The following BRD1 variants were observed in gnomAD, a reference collection of about 807,000 sequenced individuals.
The protein encoded by BRD1 is bromodomain-containing protein 1.
Under a neutral mutation model 107.7 loss-of-function variants are expected in BRD1, and 24 were observed. That is an observed-to-expected ratio of 0.22 (90% CI 0.16 to 0.31). The LOEUF (loss-of-function observed/expected upper bound fraction) is 0.31. BRD1 is among the 10% of genes least tolerant of loss of function. BRD1 has a pLI of 1.00. For missense variants in BRD1, 1,279 were observed against 1,638.6 expected (o/e 0.78, Z 3.79); for synonymous variants, 744 against 686.1 (o/e 1.08, Z -1.32).
At chr22:49,807,276 C>T (rs2059764355) in intron 2 of BRD1, 1 of 152,152 alleles carries the variant, frequency 6.6e-6, no homozygotes, top group South Asian at 2.1e-4. Context: ...TAGGAAAATC[C>T]ACCCTAAAAT....
chr22:49,824,225 C>T lies in BRD1; in HGVS notation c.93G>A (p.Leu31=). Residue 31 remains leucine, a synonymous_variant, in exon 2 of 13, where the codon CTG becomes CTA. Coordinates refer to ENST00000404760, the MANE Select transcript of BRD1 (RefSeq NM_001304808.3). This position sits in a 1 kb window ranked among gnomAD's most constrained non-coding sequence, Gnocchi z 5.9. The stretch of plus-strand genomic sequence containing the variant: ...CCATCCTTTGAGCTTGAGCGTAGGT[C>T]AGCGTTTCTCGCGTAGGGGAGTGTT... ...SVKHSPTRET[L]TYAQAQRMVE... 6.2e-7 allele frequency: 1 copy of T among 1,613,976 alleles called. No homozygotes were observed. Among genetic ancestry groups the T allele is most frequent in the Non-Finnish European group, 8.5e-7 (1 of 1,180,020 alleles).
chr22:49,798,288 G>A (rs541617572), intron 5 of BRD1, among the ~76,000 whole-genome samples, 171 bp from the exon 6 acceptor site: 1 of 152,294 alleles, frequency 6.6e-6, no homozygotes, highest in South Asian at 2.1e-4. Flanking sequence ...CCCGACCCCA[G>A]CTCCTTCAGC....
At chr22:49,801,654 C>T (rs2059643413) in intron 3 of BRD1, among the ~76,000 whole-genome samples, 1 of 152,224 alleles carries the variant, frequency 6.6e-6, no homozygotes, top group Non-Finnish European at 1.5e-5. Flanking sequence ...CGAGAAGCTG[C>T]CCCCTCTGCC....
intron 2 of BRD1, chr22:49,818,431 A>G: frequency 9.6e-7 from 1 of 1,044,604 alleles, no homozygotes; most frequent in Non-Finnish European, 1.2e-6. Flanking sequence ...CCCTCATTTC[A>G]TGCAATAACC....
At chr22:49,799,232 C>T in intron 3 of BRD1, 113 bp from the exon 4 acceptor site, 2 of 1,426,590 alleles carry the variant, frequency 1.4e-6, no homozygotes, top group Non-Finnish European at 1.9e-6. Context: ...GTCCTGCAGG[C>T]CCATCCTGGG....
intron 2 of BRD1, among the ~76,000 whole-genome samples, chr22:49,804,601 C>T (rs1008436897): frequency 6.6e-6 from 1 of 152,216 alleles, no homozygotes; most frequent in African/African-American, 2.4e-5. Context: ...GTAATCCCAG[C>T]ACTTTGGGAG....
At chr22:49,776,368 A>G (rs939327013) in intron 10 of BRD1, among the ~76,000 whole-genome samples, 5 of 152,018 alleles carry the variant, frequency 3.3e-5, no homozygotes, top group African/African-American at 4.8e-5. Flanking sequence ...TGGGGCCACC[A>G]GCCTCCCACG....
chr22:49,822,736 G>A (rs1021045594), intron 2 of BRD1, among the ~76,000 whole-genome samples: 29 of 152,016 alleles, frequency 1.9e-4, no homozygotes, highest in Middle Eastern at 3.4e-3. Flanking sequence ...GAAAACTACA[G>A]ATTATTCCAA....
At chr22:49,776,930 A>G (rs2059111611) in intron 10 of BRD1, 104 bp downstream of exon 10, 1 of 1,515,132 alleles carries the variant, frequency 6.6e-7, no homozygotes, top group African/African-American at 1.4e-5. Context: ...GGCTCCACAC[A>G]GGGCACCATG....
chr22:49,781,960 C>T lies in BRD1; in HGVS notation c.2858-4147G>A, dbSNP rs560404682. Among the ~76,000 whole-genome samples the T allele has an allele frequency of 8.3e-4, 125 of 151,020 alleles. 2 individuals are homozygous for T. Among genetic ancestry groups the T allele is most frequent in the African/African-American group, 2.8e-3 (116 of 40,952 alleles). On this transcript the variant is annotated intron_variant, in intron 8 of 12. Transcript: ENST00000404760. ...TGGGACCTGCTCCGTGACAATGCAG[C>T]CGGGACGGTCCGAGACAGACCCAAG...
chr22:49,779,309 G>A (rs559205509), intron 8 of BRD1, among the ~76,000 whole-genome samples: 1 of 152,132 alleles, frequency 6.6e-6, no homozygotes, highest in Non-Finnish European at 1.5e-5. Context: ...CAATACAGGG[G>A]CTGAATCAGC....
At chr22:49,804,730 A>G (rs2059707400) in intron 2 of BRD1, among the ~76,000 whole-genome samples, 1 of 152,190 alleles carries the variant, frequency 6.6e-6, no homozygotes, top group Admixed American at 6.5e-5. Context: ...ACATGCGTGT[A>G]GTCCCGGCTA....
chr22:49,822,911 C>T, intron 2 of BRD1, 40 bp downstream of exon 2: 1 of 1,602,280 alleles, frequency 6.2e-7, no homozygotes, highest in South Asian at 1.1e-5. Flanking sequence ...GGGTCCCACA[C>T]TGCAGGCTCC....
chr22:49,798,653 G>A lies in BRD1; in HGVS notation c.1690C>T (p.Leu564=). The A allele has an allele frequency of 6.2e-7, 1 of 1,612,538 alleles. No individual in the cohort carries two copies. The highest frequency in any genetic ancestry group is 8.5e-7 in the Non-Finnish European group (1 of 1,179,416). ...CGCAGCAGCACCGTCAGCGGGGTCA[G>A]CCGCAGCTCCATGGCGACCTGCTCC... ...KVEQVAMELR[L]TPLTVLLRSV... The change falls in exon 5 of 13, where the codon CTG becomes TTG. Residue 564 remains leucine, a synonymous_variant. Coordinates refer to ENST00000404760, the MANE Select transcript of BRD1 (RefSeq NM_001304808.3).
chr22:49,800,405 T>C (rs1012174926), intron 3 of BRD1, among the ~76,000 whole-genome samples: 2 of 151,932 alleles, frequency 1.3e-5, no homozygotes, highest in Non-Finnish European at 2.9e-5. Context: ...AAGATCCACA[T>C]CAACTCAAGC....
intron 8 of BRD1, 110 bp downstream of exon 8, chr22:49,787,280 G>T: frequency 7.6e-7 from 1 of 1,317,682 alleles, no homozygotes; most frequent in Non-Finnish European, 1.0e-6. Context: ...AGAGAATGCT[G>T]CAAAAACAGA....
chr22:49,824,453 A>C lies in BRD1; in HGVS notation c.-14-122T>G, dbSNP rs903050511. ...TCAAAGCCCAATCAAAGCAAAACTC[A>C]CAGCTAACCTCTTTCCAAGGTGTCC... On this transcript the variant is annotated intron_variant, in intron 1 of 12. Transcript: ENST00000404760. This position sits in a 1 kb window ranked among gnomAD's most constrained non-coding sequence, Gnocchi z 5.9. 2.1e-6 allele frequency: 3 copies of C among 1,463,232 alleles called. No homozygotes were observed. The highest frequency in any genetic ancestry group is 9.0e-7 in the Non-Finnish European group (1 of 1,114,884). 90.6% of individuals were successfully genotyped at this position (1,463,232 alleles called of 1,614,324 possible).
Position 49,818,359 on chromosome 22 carries a change from C to G in BRD1, c.1367+4592G>C, listed in dbSNP as rs1346348550. On this transcript the variant is annotated intron_variant, in intron 2 of 12. Coordinates refer to ENST00000404760, the MANE Select transcript of BRD1 (RefSeq NM_001304808.3). ...GCTGATCACAGTCTCTTTTAAGACA[C>G]TTTCTACTTTGCATTCTGATGAACC... is the stretch of plus-strand genomic sequence containing the variant. 4.9e-6 allele frequency: 6 copies of G among 1,228,320 alleles called. No homozygotes were observed. The African/African-American group carries it at 9.3e-5, about 19-fold the overall frequency. 76.1% of individuals were successfully genotyped at this position (1,228,320 alleles called of 1,614,324 possible).
intron 2 of BRD1, among the ~76,000 whole-genome samples, chr22:49,822,233 C>G (rs1417644648): frequency 6.6e-6 from 1 of 152,142 alleles, no homozygotes; most frequent in Non-Finnish European, 1.5e-5. Flanking sequence ...CCAGACCACC[C>G]TGGGCAACAT....
Sources: gnomAD v4.1 joint callset for allele counts (sites outside exome capture counted in the v4.1 genomes callset) on GRCh38, gnomAD v4.1.1 for gene constraint, Gnocchi (gnomAD v3.1) non-coding constraint, MANE v1.5 for transcripts, NCBI Gene and HGNC (gene_info 2026-07-23, HGNC 2026-07-21) for gene names.